The following SPATA6 variants were observed in gnomAD, a reference collection of about 807,000 sequenced individuals.
SPATA6 encodes spermatogenesis-associated protein 6.
A neutral mutation model predicts 65.3 loss-of-function variants in SPATA6; 56 were observed. The observed-to-expected ratio is 0.86, with a 90% confidence interval of 0.69 to 1.07. The LOEUF is 1.07. SPATA6 is among the 50% of genes least tolerant of loss of function. SPATA6 has a pLI of 0.00. For synonymous variants in SPATA6, 199 were observed against 213.2 expected (o/e 0.93, Z 0.58); for missense variants, 590 against 594.8 (o/e 0.99, Z 0.08).
chr1:48,345,972 A>G (rs1646353854), intron 11 of SPATA6, among the ~76,000 whole-genome samples: 1 of 152,134 alleles, frequency 6.6e-6, no homozygotes, highest in Non-Finnish European at 1.5e-5. Context: ...AGGATGAGGA[A>G]CTACTCTCTA....
At chr1:48,396,130 G>C (rs1650565301) in intron 7 of SPATA6, among the ~76,000 whole-genome samples, 1 of 151,682 alleles carries the variant, frequency 6.6e-6, no homozygotes, top group South Asian at 2.1e-4. Flanking sequence ...AATCATTAAG[G>C]AGACAGAAAT....
intron 1 of SPATA6, among the ~76,000 whole-genome samples, chr1:48,462,144 T>C (rs1476763618): frequency 6.7e-6 from 1 of 149,982 alleles, no homozygotes; most frequent in South Asian, 2.1e-4. Flanking sequence ...AATTGAACAA[T>C]GAGAACACAT....
chr1:48,461,244 T>G (rs1657407651), intron 1 of SPATA6, among the ~76,000 whole-genome samples: 1 of 152,202 alleles, frequency 6.6e-6, no homozygotes, highest in South Asian at 2.1e-4. Context: ...ATTAGCCCTT[T>G]GTCAGATGAG....
intron 9 of SPATA6, among the ~76,000 whole-genome samples, chr1:48,382,465 T>A (rs1285830221): frequency 8.5e-4 from 79 of 93,210 alleles, no homozygotes; most frequent in Middle Eastern, 0.01. Flanking sequence ...CGGGGGGCTG[T>A]CCCCCCCACC....
intron 9 of SPATA6, among the ~76,000 whole-genome samples, chr1:48,368,902 G>GT (rs1647130356): frequency 6.6e-6 from 1 of 152,130 alleles, no homozygotes; most frequent in Non-Finnish European, 1.5e-5. Context: ...TTTCTGCTCT[G>GT]TTTTTTCCCC....
chr1:48,336,968 G>A (rs982052929), intron 11 of SPATA6, among the ~76,000 whole-genome samples: 11 of 151,802 alleles, frequency 7.2e-5, no homozygotes, highest in Non-Finnish European at 1.3e-4. Context: ...ACAAAAATAG[G>A]CTTGTTCAAA....
At chr1:48,351,115 A>C (rs1646503104) in intron 11 of SPATA6, among the ~76,000 whole-genome samples, 1 of 151,930 alleles carries the variant, frequency 6.6e-6, no homozygotes, top group Non-Finnish European at 1.5e-5. Context: ...TCCTGCTGCT[A>C]TTGTAAATGG....
At position 48,312,964 on chromosome 1, in the gene SPATA6, G is replaced by A. The variant is rs1219430543; in HGVS notation, c.1195-7086C>T. 1.8e-4 allele frequency among the ~76,000 whole-genome samples: 28 copies of A among 152,052 alleles called. 1 individual carries two copies. The highest frequency in any genetic ancestry group is 1.8e-3 in the Admixed American group (27 of 15,256). ...GGGCATCAGTGATGGAAGATCAAAT[G>A]AATGACATGAAGCGAGAAGTTTAGA... On this transcript the variant is annotated intron_variant, in intron 11 of 12. Transcript: ENST00000371847.
At chr1:48,450,947 G>A (rs1044794853) in intron 3 of SPATA6, among the ~76,000 whole-genome samples, 1 of 151,992 alleles carries the variant, frequency 6.6e-6, no homozygotes, top group African/African-American at 2.4e-5. Context: ...ATAAATTAAC[G>A]GAGCTTTTCA....
intron 7 of SPATA6, among the ~76,000 whole-genome samples, chr1:48,398,805 T>A (rs1405306065): frequency 6.6e-6 from 1 of 151,844 alleles, no homozygotes; most frequent in Non-Finnish European, 1.5e-5. Context: ...CACAGTTCAG[T>A]ACAGAGACTA....
At chr1:48,393,910 A>T (rs767362427) in intron 8 of SPATA6, among the ~76,000 whole-genome samples, 9 of 151,994 alleles carry the variant, frequency 5.9e-5, no homozygotes, top group Non-Finnish European at 1.2e-4. Flanking sequence ...CCTCATCTAA[A>T]CCTAATCACT....
intron 1 of SPATA6, among the ~76,000 whole-genome samples, chr1:48,460,641 A>C (rs1657358728): frequency 6.6e-6 from 1 of 151,746 alleles, no homozygotes; most frequent in East Asian, 1.9e-4. Flanking sequence ...AAGTAAAACA[A>C]TGTATTTTCA....
At chr1:48,467,644 A>T (rs552258678) in intron 1 of SPATA6, among the ~76,000 whole-genome samples, 215 of 152,268 alleles carry the variant, frequency 1.4e-3, no homozygotes, top group Admixed American at 2.7e-3. Flanking sequence ...CAGTAAACAT[A>T]CAGAATGGAG....
Position 48,436,614 on chromosome 1 carries a change from T to C in SPATA6, c.238+14938A>G, listed in dbSNP as rs1654962203. 4 of 1,613,890 alleles carry C rather than the reference T, an allele frequency of 2.5e-6. No individual in the cohort carries two copies. The East Asian group carries it at 6.7e-5, about 27-fold the overall frequency. Reference sequence around the variant, plus strand: ...GTTTGGTTAAGCATGGACAGAGGCATAGGGCTGTGTATGATTTCCCACAGT... The same window carrying C: ...GTTTGGTTAAGCATGGACAGAGGCACAGGGCTGTGTATGATTTCCCACAGT... On this transcript the variant is annotated intron_variant, in intron 3 of 12. Transcript: ENST00000371847.
chr1:48,365,488 A>G (rs371108884), intron 9 of SPATA6, among the ~76,000 whole-genome samples: 2 of 151,974 alleles, frequency 1.3e-5, no homozygotes, highest in African/African-American at 4.8e-5. Flanking sequence ...GCAGTGGTTT[A>G]TAGTTCTCCT....
chr1:48,381,544 C>A (rs993950614), intron 9 of SPATA6, among the ~76,000 whole-genome samples: 6 of 151,088 alleles, frequency 4.0e-5, no homozygotes, highest in African/African-American at 1.5e-4. Flanking sequence ...GTATTCAGTA[C>A]CAGTAGCACA....
rs12022756 is a variant in SPATA6, at chr1:48,379,349, G to T, written c.909+5960C>A. On this transcript the variant is annotated intron_variant, in intron 9 of 12. Coordinates refer to ENST00000371847, the MANE Select transcript of SPATA6 (RefSeq NM_019073.4). ...AATTGTCCATCTCTTGACACGTGGGGATTACAATTCGAGATGAGATTTGGG... is the reference window on the plus strand; with the variant it reads ...AATTGTCCATCTCTTGACACGTGGGTATTACAATTCGAGATGAGATTTGGG... Among the ~76,000 whole-genome samples the T allele has an allele frequency of 9.2e-5, 14 of 152,218 alleles. No individual in the cohort carries two copies. The East Asian group carries it at 2.7e-3, about 29-fold the overall frequency.
chr1:48,423,223 G>GAGGCAGGCAGACCACTTGAGGTC (rs2148026498), intron 3 of SPATA6, among the ~76,000 whole-genome samples: 1 of 152,234 alleles, frequency 6.6e-6, no homozygotes, highest in South Asian at 2.1e-4. Context: ...TTGGGAGGCT[G>GAGGCAGGCAGACCACTTGAGGTC]AGGCAGGCAG....
chr1:48,427,429 T>C (rs1201014503), intron 3 of SPATA6, among the ~76,000 whole-genome samples: 1 of 136,798 alleles, frequency 7.3e-6, no homozygotes, highest in Non-Finnish European at 1.6e-5. Flanking sequence ...TTAAGAAAAT[T>C]GAGGCAAAAA....
Sources: gnomAD v4.1 joint callset for allele counts (sites outside exome capture counted in the v4.1 genomes callset) on GRCh38, gnomAD v4.1.1 for gene constraint, MANE v1.5 for transcripts, NCBI Gene and HGNC (gene_info 2026-07-23, HGNC 2026-07-21) for gene names.